The following ZPLD1 variants were observed in gnomAD, a reference collection of about 807,000 sequenced individuals.
ZPLD1 encodes zona pellucida like domain containing 1.
ZPLD1 carries 34 observed loss-of-function variants against 47.2 expected under a neutral mutation model. The ratio of observed to expected loss-of-function variants is 0.72; its 90% CI spans 0.55 to 0.96. The LOEUF is 0.96. ZPLD1 is among the 40% of genes least tolerant of loss of function. ZPLD1 has a pLI of 0.00. For synonymous variants in ZPLD1, 176 were observed against 186.2 expected, an observed-to-expected ratio of 0.95 and a Z score of 0.45; for missense variants, 512 against 505.8, an observed-to-expected ratio of 1.01 and a Z score of -0.12.
At chr3:102,458,400 A>C (rs1370981429) in intron 6 of ZPLD1, among the ~76,000 whole-genome samples, 2 of 152,204 alleles carry the variant, frequency 1.3e-5, no homozygotes, top group African/African-American at 4.8e-5. Context: ...AAAACGTGAA[A>C]AATACATGGA....
chr3:102,460,058 C>T (rs1032421398), intron 6 of ZPLD1, among the ~76,000 whole-genome samples: 20 of 151,902 alleles, frequency 1.3e-4, no homozygotes, highest in African/African-American at 4.8e-4. Context: ...GTAATTTACC[C>T]TAGAAAAAAT....
chr3:102,455,367 G>A (rs1229900258), intron 4 of ZPLD1, among the ~76,000 whole-genome samples: 1 of 152,144 alleles, frequency 6.6e-6, no homozygotes, highest in Non-Finnish European at 1.5e-5. Context: ...AGAATTCAAG[G>A]AAAGCTAAGC....
At chr3:102,447,912 A>G (rs1432041736) in intron 3 of ZPLD1, among the ~76,000 whole-genome samples, 1 of 152,138 alleles carries the variant, frequency 6.6e-6, no homozygotes, top group African/African-American at 2.4e-5. Context: ...ATAGAACTGG[A>G]TCCATACCTT....
intron 7 of ZPLD1, among the ~76,000 whole-genome samples, chr3:102,406,830 A>G (rs190227661): frequency 1.1e-4 from 17 of 152,062 alleles, no homozygotes; most frequent in Admixed American, 7.9e-4. Context: ...GAAATCGTTC[A>G]GAATTGCATT....
At position 102,398,866 on chromosome 3, in the gene ZPLD1, A is replaced by G. The variant is rs1188127705; in HGVS notation, c.-157+6641A>G. On this transcript the variant is annotated intron_variant, in intron 7 of 17. Coordinates refer to the ZPLD1 transcript ENST00000491959. ...CTGCTGCTACTTAGCTTGTGCTTTT[A>G]TGCGTGCGCACGCACACACACACAC... Among the ~76,000 whole-genome samples the G allele has an allele frequency of 4.7e-5, 7 of 149,166 alleles. No individual in the cohort carries two copies. In the South Asian group the frequency reaches 6.3e-4, roughly 13 times the overall value.
intron 3 of ZPLD1, among the ~76,000 whole-genome samples, chr3:102,446,864 A>G (rs2107329019): frequency 6.6e-6 from 1 of 152,302 alleles, no homozygotes; most frequent in Non-Finnish European, 1.5e-5. Flanking sequence ...CCTTGAAGAA[A>G]CAGGGTCTTT....
At chr3:102,400,799 G>T (rs1486038348) in intron 7 of ZPLD1, among the ~76,000 whole-genome samples, 1 of 151,882 alleles carries the variant, frequency 6.6e-6, no homozygotes, top group East Asian at 1.9e-4. Flanking sequence ...AAAATACAAA[G>T]AGGAAGAATG....
At chr3:102,407,404 TATATATATATATATATATATA>T in intron 7 of ZPLD1, among the ~76,000 whole-genome samples, 1 of 64,354 alleles carries the variant, frequency 1.6e-5, no homozygotes, top group Middle Eastern at 6.8e-3. Flanking sequence ...TATATATATA[TATATATATATATATATATATA>T]TATATATATA....
In ZPLD1 at chr3:102,435,034, C is replaced by T. The variant is rs190864094; in HGVS notation, c.-243C>T. On this transcript the variant is annotated 5_prime_UTR_variant, in exon 1 of 12. Coordinates refer to ENST00000466937, the MANE Select transcript of ZPLD1 (RefSeq NM_001329788.2). ...GGAATGTAAAGGGTGTTAACATAATCCCCCAATCCCATACAATTCAATTTC... is the reference window on the plus strand; with the variant it reads ...GGAATGTAAAGGGTGTTAACATAATTCCCCAATCCCATACAATTCAATTTC... 3.7e-5 allele frequency: 55 copies of T among 1,491,256 alleles called. No individual in the cohort carries two copies. In the East Asian group the frequency reaches 1.1e-3, roughly 30 times the overall value. The allele number at this position is 1,491,256 out of a possible 1,614,324, so 92.4% of individuals were successfully genotyped here.
rs114954084 is a variant in ZPLD1, at chr3:102,401,412, G to A, written c.-157+9187G>A. ...CTGCTGCAAAGCTTAGTGTTTCAAA[G>A]GCTGTGTATGAAGTGCATACAATGT... On this transcript the variant is annotated intron_variant, in intron 7 of 17. Transcript: ENST00000491959. Among the ~76,000 whole-genome samples the A allele has an allele frequency of 5.1e-3, 783 of 152,184 alleles. 4 individuals carry two copies. Among genetic ancestry groups the A allele is most frequent in the Non-Finnish European group, 9.0e-3 (610 of 67,996 alleles).
At chr3:102,439,097 C>T (rs530836046) in intron 3 of ZPLD1, among the ~76,000 whole-genome samples, 52 of 152,276 alleles carry the variant, frequency 3.4e-4, no homozygotes, top group African/African-American at 1.1e-3. Context: ...GATTTGGCAA[C>T]ATTGATGGGC....
chr3:102,459,606 A>T (rs1031928988), intron 6 of ZPLD1, among the ~76,000 whole-genome samples: 1 of 152,196 alleles, frequency 6.6e-6, no homozygotes, highest in Non-Finnish European at 1.5e-5. Flanking sequence ...TGATAACCTT[A>T]ATATTTTAAT....
chr3:102,476,066 TG>T (rs931531176), intron 10 of ZPLD1, among the ~76,000 whole-genome samples: 8 of 152,232 alleles, frequency 5.3e-5, no homozygotes, highest in African/African-American at 1.9e-4. Flanking sequence ...ATCTGTAAAA[TG>T]GGGGTAGCAA....
chr3:102,428,151 G>A (rs961253401), intron 8 of ZPLD1, among the ~76,000 whole-genome samples: 4 of 151,976 alleles, frequency 2.6e-5, no homozygotes, highest in Admixed American at 6.6e-5. Context: ...CTATTGTTTC[G>A]GTCAATGACT....
At chr3:102,411,473 ACACT>A (rs1349522281) in intron 7 of ZPLD1, among the ~76,000 whole-genome samples, 23 of 151,820 alleles carry the variant, frequency 1.5e-4, no homozygotes, top group Non-Finnish European at 5.9e-5. Flanking sequence ...AACAAGAATA[ACACT>A]CACATTGGTT....
chr3:102,389,464 C>T (rs1706471927), intron 6 of ZPLD1, among the ~76,000 whole-genome samples: 1 of 152,058 alleles, frequency 6.6e-6, no homozygotes, highest in African/African-American at 2.4e-5. Flanking sequence ...CACAGGCAAC[C>T]TCAAGGCATA....
At chr3:102,402,947 A>G (rs1351893564) in intron 7 of ZPLD1, among the ~76,000 whole-genome samples, 17 of 151,956 alleles carry the variant, frequency 1.1e-4, no homozygotes, top group Admixed American at 1.1e-3. Flanking sequence ...CAAAGTAAAC[A>G]AAATAGCATA....
chr3:102,474,470 C>T, intron 10 of ZPLD1, among the ~76,000 whole-genome samples: 1 of 152,096 alleles, frequency 6.6e-6, no homozygotes, highest in East Asian at 1.9e-4. Flanking sequence ...AGACTTTGTC[C>T]TCAGGGATCT....
chr3:102,407,442 T>TATATATACAC (rs1553708474), intron 7 of ZPLD1, among the ~76,000 whole-genome samples: 66 of 95,428 alleles, frequency 6.9e-4, no homozygotes, highest in Non-Finnish European at 8.9e-4. Context: ...TATATATATA[T>TATATATACAC]ACACACATAT....
Sources: gnomAD v4.1 joint callset for allele counts (sites outside exome capture counted in the v4.1 genomes callset) on GRCh38, gnomAD v4.1.1 for gene constraint, MANE v1.5 for transcripts, NCBI Gene and HGNC (gene_info 2026-07-23, HGNC 2026-07-21) for gene names.